The following BRINP1 variants were observed in gnomAD, a reference collection of about 807,000 sequenced individuals.
BRINP1 encodes the protein BMP/retinoic acid inducible neural specific 1.
A neutral mutation model predicts 72.9 loss-of-function variants in BRINP1; 17 were observed. The ratio of observed to expected loss-of-function variants is 0.23; its 90% CI spans 0.16 to 0.35. BRINP1 has a LOEUF of 0.35. Ranked by LOEUF, BRINP1 falls within the 10% of genes least tolerant of loss-of-function variation. The pLI is 1.00. For missense variants in BRINP1, 850 were observed against 1,001.6 expected (o/e 0.85, Z 2.04); for synonymous variants, 418 against 378.5 (o/e 1.10, Z -1.21).
At chr9:119,299,629 AAAGT>A in intron 2 of BRINP1, among the ~76,000 whole-genome samples, 1 of 152,064 alleles carries the variant, frequency 6.6e-6, no homozygotes, top group Admixed American at 6.6e-5. Flanking sequence ...AAAAAAAAAA[AAAGT>A]GAGTACATGT....
chr9:119,311,812 T>G, intron 2 of BRINP1, among the ~76,000 whole-genome samples: 1 of 152,162 alleles, frequency 6.6e-6, no homozygotes, highest in Non-Finnish European at 1.5e-5. Flanking sequence ...TCTTAGAGCT[T>G]GCAACACTCC....
At chr9:119,176,028 G>A (rs1039407189) in intron 7 of BRINP1, among the ~76,000 whole-genome samples, 5 of 152,144 alleles carry the variant, frequency 3.3e-5, no homozygotes, top group African/African-American at 1.2e-4. Flanking sequence ...GCTATGTGAG[G>A]ATTATATGAA....
intron 2 of BRINP1, among the ~76,000 whole-genome samples, chr9:119,305,227 T>A (rs1485128854): frequency 6.6e-6 from 1 of 152,222 alleles, no homozygotes; most frequent in Non-Finnish European, 1.5e-5. Context: ...CAATCATATA[T>A]TTTTATCTAT....
chr9:119,199,966 T>C (rs1829787163), intron 7 of BRINP1, among the ~76,000 whole-genome samples: 2 of 152,222 alleles, frequency 1.3e-5, no homozygotes, highest in South Asian at 4.1e-4. Context: ...TTGGTTACGA[T>C]CTGTTCACAA....
chr9:119,229,764 G>A (rs1179361744), intron 5 of BRINP1, among the ~76,000 whole-genome samples: 1 of 152,098 alleles, frequency 6.6e-6, no homozygotes, highest in Non-Finnish European at 1.5e-5. Context: ...AGGTTGAACT[G>A]AATCCAGTAT....
intron 2 of BRINP1, among the ~76,000 whole-genome samples, chr9:119,269,179 C>A (rs1830582402): frequency 6.6e-6 from 1 of 152,174 alleles, no homozygotes; most frequent in Non-Finnish European, 1.5e-5. Flanking sequence ...TCCCTCCCTC[C>A]TTGGCACTCC....
intron 2 of BRINP1, among the ~76,000 whole-genome samples, chr9:119,312,456 T>C (rs1183663323): frequency 2.0e-5 from 3 of 152,164 alleles, no homozygotes; most frequent in African/African-American, 4.8e-5. Context: ...GAGGTGTTAG[T>C]GTAGAGAGCT....
chr9:119,252,662 G>C lies in BRINP1; in HGVS notation c.219-3512C>G, dbSNP rs796162959. Among the ~76,000 whole-genome samples, 11 of 152,044 alleles carry C rather than the reference G, an allele frequency of 7.2e-5. No individual in the cohort carries two copies. The South Asian group carries it at 8.3e-4, about 11-fold the overall frequency. On this transcript the variant is annotated intron_variant, in intron 2 of 7. Transcript: ENST00000265922. ...TTAAAATTAATATTTATTTCACACA[G>C]AGAGGTTAAGTAACTGTTAAAGGTC... is the stretch of plus-strand genomic sequence containing the variant.
intron 7 of BRINP1, among the ~76,000 whole-genome samples, chr9:119,179,811 C>T (rs1285971595): frequency 6.6e-6 from 1 of 152,192 alleles, no homozygotes; most frequent in Non-Finnish European, 1.5e-5. Flanking sequence ...TCTAAACCCC[C>T]AACTGGAGAA....
intron 7 of BRINP1, among the ~76,000 whole-genome samples, chr9:119,183,245 T>A (rs1012156353): frequency 1.3e-5 from 2 of 152,212 alleles, no homozygotes; most frequent in Admixed American, 6.5e-5. Context: ...AATGCCAAAC[T>A]AGTCAAATGA....
intron 2 of BRINP1, among the ~76,000 whole-genome samples, chr9:119,291,895 G>C (rs1206882991): frequency 6.6e-6 from 1 of 152,168 alleles, no homozygotes; most frequent in Non-Finnish European, 1.5e-5. Context: ...ATTAGCAATA[G>C]ACAAAAGAAT....
intron 2 of BRINP1, among the ~76,000 whole-genome samples, chr9:119,303,521 A>G (rs555177024): frequency 6.6e-6 from 1 of 152,304 alleles, no homozygotes; most frequent in African/African-American, 2.4e-5. Context: ...GAATCGTGGG[A>G]CGTGCAAGTG....
chr9:119,235,716 A>T (rs1830187052), intron 5 of BRINP1, among the ~76,000 whole-genome samples: 1 of 152,082 alleles, frequency 6.6e-6, no homozygotes, highest in Non-Finnish European at 1.5e-5. Context: ...CTGATTTATG[A>T]TTATATGCCT....
chr9:119,339,623 C>CA (rs1831387640), intron 1 of BRINP1, among the ~76,000 whole-genome samples: 1 of 152,192 alleles, frequency 6.6e-6, no homozygotes, highest in South Asian at 2.1e-4. Flanking sequence ...CACTTATCCC[C>CA]TAGCAAGTGC....
intron 1 of BRINP1, among the ~76,000 whole-genome samples, chr9:119,358,583 A>G (rs1350415022): frequency 6.6e-6 from 1 of 152,036 alleles, no homozygotes; most frequent in African/African-American, 2.4e-5. Context: ...AGTCCCAGCT[A>G]CTCAGGAGGC....
chr9:119,206,621 G>T (rs974381754), intron 7 of BRINP1, among the ~76,000 whole-genome samples: 2 of 152,022 alleles, frequency 1.3e-5, no homozygotes, highest in East Asian at 3.9e-4. Flanking sequence ...AATTTCTATT[G>T]TTTAAGCAAC....
chr9:119,212,659 ATGT>A (rs1267253574), intron 6 of BRINP1, among the ~76,000 whole-genome samples: 6 of 152,216 alleles, frequency 3.9e-5, no homozygotes, highest in Non-Finnish European at 5.9e-5. Context: ...AAGAAATATA[ATGT>A]TGTTGTAAAG....
At chr9:119,195,278 AAATG>A (rs1829725323) in intron 7 of BRINP1, among the ~76,000 whole-genome samples, 1 of 152,210 alleles carries the variant, frequency 6.6e-6, no homozygotes, top group African/African-American at 2.4e-5. Context: ...TTGAATGAAT[AAATG>A]AATGAATGAA....
intron 1 of BRINP1, among the ~76,000 whole-genome samples, chr9:119,337,491 A>G (rs1281152026): frequency 7.9e-5 from 12 of 152,210 alleles, no homozygotes; most frequent in Non-Finnish European, 1.6e-4. Flanking sequence ...TAGCCCTGTG[A>G]GTGTCAAATA....
Sources: allele counts gnomAD v4.1 joint callset (sites outside exome capture counted in the v4.1 genomes callset), GRCh38; gene constraint gnomAD v4.1.1; transcripts MANE v1.5; gene names NCBI Gene and HGNC (gene_info 2026-07-23, HGNC 2026-07-21).